The following PIP5K1B variants were observed in gnomAD, a reference collection of about 807,000 sequenced individuals.
PIP5K1B encodes phosphatidylinositol 4-phosphate 5-kinase type-1 beta.
In PIP5K1B, 42 loss-of-function variants were observed where a neutral mutation model predicts 67.0. The observed-to-expected ratio is 0.63, with a 90% CI of 0.49 to 0.81. The LOEUF (loss-of-function observed/expected upper bound fraction) is 0.81. PIP5K1B is among the 30% of genes least tolerant of loss of function. The probability of loss-of-function intolerance (pLI) is 0.00; values close to 1 mark genes in which losing one functional copy is unlikely to be tolerated. For synonymous variants in PIP5K1B, 214 were observed against 231.4 expected, an observed-to-expected ratio of 0.92 and a Z score of 0.68; for missense variants, 459 against 646.3, an observed-to-expected ratio of 0.71 and a Z score of 3.14.
chr9:68,743,893 A>G (rs1400555263), intron 2 of PIP5K1B, among the ~76,000 whole-genome samples: 1 of 152,200 alleles, frequency 6.6e-6, no homozygotes, highest in East Asian at 1.9e-4. Context: ...ACTGGGTGCC[A>G]GATGAATGTA....
intron 14 of PIP5K1B, among the ~76,000 whole-genome samples, chr9:68,950,937 A>C (rs1337139492): frequency 1.3e-5 from 2 of 152,166 alleles, no homozygotes; most frequent in African/African-American, 4.8e-5. Flanking sequence ...GGACTCATTC[A>C]CTTCACAGCA....
intron 5 of PIP5K1B, among the ~76,000 whole-genome samples, chr9:68,874,133 A>G (rs1055073024): frequency 6.6e-6 from 1 of 152,196 alleles, no homozygotes. Flanking sequence ...TCCATTCTGT[A>G]TGATGCCTCC....
chr9:68,717,196 C>G (rs539309898), intron 1 of PIP5K1B, among the ~76,000 whole-genome samples: 181 of 152,220 alleles, frequency 1.2e-3, no homozygotes, highest in African/African-American at 4.2e-3. Context: ...TGCAATATAT[C>G]CAGGTAACAA....
intron 4 of PIP5K1B, among the ~76,000 whole-genome samples, chr9:68,847,239 G>C (rs2132181793): frequency 6.6e-6 from 1 of 151,358 alleles, no homozygotes; most frequent in East Asian, 1.9e-4. Context: ...CAGTTGGTGG[G>C]ATGAAAAAGA....
At chr9:69,000,595 C>T (rs1053530314) in intron 15 of PIP5K1B, among the ~76,000 whole-genome samples, 1 of 152,086 alleles carries the variant, frequency 6.6e-6, no homozygotes, top group Non-Finnish European at 1.5e-5. Flanking sequence ...CCTTCATCTC[C>T]CTATGTCTTC....
intron 14 of PIP5K1B, among the ~76,000 whole-genome samples, chr9:68,985,836 G>T (rs903191674): frequency 6.6e-6 from 1 of 152,198 alleles, no homozygotes; most frequent in Non-Finnish European, 1.5e-5. Flanking sequence ...TCTGTTCTTA[G>T]ACATTTTGCA....
intron 2 of PIP5K1B, among the ~76,000 whole-genome samples, chr9:68,792,546 C>A (rs1024646537): frequency 2.0e-5 from 3 of 152,150 alleles, no homozygotes; most frequent in Non-Finnish European, 2.9e-5. Flanking sequence ...GTGGCGCGAT[C>A]TCGGTTCACT....
intron 1 of PIP5K1B, among the ~76,000 whole-genome samples, chr9:68,708,897 T>C (rs569761092): frequency 1.5e-4 from 23 of 152,364 alleles, no homozygotes; most frequent in African/African-American, 5.3e-4. Flanking sequence ...GATTGATGTA[T>C]GTTTCCTTCT....
At chr9:68,732,923 G>A (rs1362407037) in intron 1 of PIP5K1B, among the ~76,000 whole-genome samples, 1 of 151,670 alleles carries the variant, frequency 6.6e-6, no homozygotes, top group Non-Finnish European at 1.5e-5. Context: ...GGTTGGGGGG[G>A]GGGCGGCGCG....
At chr9:68,715,444 C>T (rs1009728912) in intron 1 of PIP5K1B, among the ~76,000 whole-genome samples, 2 of 152,190 alleles carry the variant, frequency 1.3e-5, no homozygotes, top group African/African-American at 4.8e-5. Context: ...ACCCTCTGTG[C>T]AGCACTCTCG....
intron 14 of PIP5K1B, among the ~76,000 whole-genome samples, chr9:68,989,892 A>C (rs756007228): frequency 6.6e-6 from 1 of 152,142 alleles, no homozygotes; most frequent in Non-Finnish European, 1.5e-5. Flanking sequence ...AGGCAAGAGA[A>C]TCACTGGAAC....
intron 1 of PIP5K1B, among the ~76,000 whole-genome samples, chr9:68,712,855 G>A (rs956344673): frequency 4.6e-5 from 7 of 152,180 alleles, no homozygotes; most frequent in Admixed American, 1.3e-4. Flanking sequence ...AAAACAAAAC[G>A]TTGCTACACT....
chr9:68,825,365 G>A (rs1335765792), intron 4 of PIP5K1B, among the ~76,000 whole-genome samples: 1 of 152,170 alleles, frequency 6.6e-6, no homozygotes, highest in Non-Finnish European at 1.5e-5. Context: ...TGTTCACTCG[G>A]TTTCCACCAG....
intron 2 of PIP5K1B, chr9:68,789,044 A>G (rs1831805073): frequency 2.1e-6 from 1 of 471,434 alleles, no homozygotes. Flanking sequence ...ATACAGCATC[A>G]ATCATCCCCT....
chr9:69,003,182 G>A (rs4745490), intron 15 of PIP5K1B, among the ~76,000 whole-genome samples: 1 of 151,850 alleles, frequency 6.6e-6, no homozygotes, highest in Non-Finnish European at 1.5e-5. Flanking sequence ...TCATGGCAAC[G>A]AGAGGAACAT....
intron 7 of PIP5K1B, among the ~76,000 whole-genome samples, chr9:68,893,687 T>C (rs1054683013): frequency 6.6e-6 from 1 of 152,076 alleles, no homozygotes; most frequent in Non-Finnish European, 1.5e-5. Flanking sequence ...CTACCCCATA[T>C]AGATGAGAGA....
chr9:68,723,389 A>AT (rs34743138), intron 1 of PIP5K1B, among the ~76,000 whole-genome samples: 84,003 of 149,862 alleles, frequency 0.56, 23,599 homozygotes, highest in East Asian at 0.69. Flanking sequence ...TGGTAGTCCT[A>AT]TTTTTTTTTT....
At chr9:68,856,364 C>T (rs541611746) in intron 4 of PIP5K1B, among the ~76,000 whole-genome samples, 1 of 152,170 alleles carries the variant, frequency 6.6e-6, no homozygotes, top group Admixed American at 6.5e-5. Flanking sequence ...AGACTCTGTT[C>T]AGGTCACCTT....
chr9:68,724,779 G>A (rs552900337), intron 1 of PIP5K1B, among the ~76,000 whole-genome samples: 13 of 152,138 alleles, frequency 8.5e-5, no homozygotes, highest in African/African-American at 1.4e-4. Context: ...TATTTTGAAC[G>A]TAACCCTTGA....
Sources: allele counts gnomAD v4.1 joint callset (sites outside exome capture counted in the v4.1 genomes callset), GRCh38; gene constraint gnomAD v4.1.1; transcripts MANE v1.5; gene names NCBI Gene and HGNC (gene_info 2026-07-23, HGNC 2026-07-21).